PTPRR: variants seen among roughly 807,000 people sequenced by gnomAD.
The protein encoded by PTPRR is receptor-type tyrosine-protein phosphatase R.
A neutral mutation model predicts 77.2 loss-of-function variants in PTPRR; 38 were observed. The ratio of observed to expected loss-of-function variants is 0.49; its 90% confidence interval spans 0.38 to 0.65. PTPRR has a LOEUF of 0.65. Ranked by LOEUF, PTPRR falls within the 30% of genes least tolerant of loss-of-function variation. The pLI is 0.00. For synonymous variants in PTPRR, 299 were observed against 283.1 expected (o/e 1.06, Z -0.57); for missense variants, 744 against 799.2 (o/e 0.93, Z 0.83).
intron 6 of PTPRR, among the ~76,000 whole-genome samples, chr12:70,726,790 C>A (rs1323728152): frequency 6.6e-6 from 1 of 152,026 alleles, no homozygotes; most frequent in Non-Finnish European, 1.5e-5. Flanking sequence ...CATGTCTCTG[C>A]TAAAAGGTCT....
chr12:70,782,470 A>C, intron 2 of PTPRR, among the ~76,000 whole-genome samples: 1 of 152,214 alleles, frequency 6.6e-6, no homozygotes, highest in East Asian at 1.9e-4. Flanking sequence ...CTGGATTAAG[A>C]AAATGTGGCA....
chr12:70,831,976 C>T (rs911830076), intron 2 of PTPRR, among the ~76,000 whole-genome samples: 24 of 152,170 alleles, frequency 1.6e-4, no homozygotes, highest in East Asian at 7.7e-4. Flanking sequence ...GAAACAAAAT[C>T]GCTTTCCCCA....
At chr12:70,733,478 A>AAAAAAAAAAAAAAAAAAAAAAAAAAAAT (rs1889753304) in intron 6 of PTPRR, among the ~76,000 whole-genome samples, 2 of 88,572 alleles carry the variant, frequency 2.3e-5, no homozygotes, top group Non-Finnish European at 4.3e-5. Context: ...GGCAAAAAAA[A>AAAAAAAAAAAAAAAAAAAAAAAAAAAAT]AAAGAAAAAA....
intron 3 of PTPRR, among the ~76,000 whole-genome samples, chr12:70,763,253 T>C (rs1019871426): frequency 1.3e-5 from 2 of 151,976 alleles, no homozygotes; most frequent in African/African-American, 4.8e-5. Context: ...CTCAGCCTCC[T>C]GAGTAGCTGG....
chr12:70,885,520 T>A (rs1893223883), intron 2 of PTPRR, among the ~76,000 whole-genome samples: 1 of 151,774 alleles, frequency 6.6e-6, no homozygotes, highest in Non-Finnish European at 1.5e-5. Flanking sequence ...ACCTTAGTTA[T>A]TTAACAGTTA....
At chr12:70,668,707 T>C (rs977002886) in intron 10 of PTPRR, among the ~76,000 whole-genome samples, 5 of 152,200 alleles carry the variant, frequency 3.3e-5, no homozygotes, top group Admixed American at 6.5e-5. Context: ...GAGTAGCCAA[T>C]CTTTCTATCT....
At chr12:70,767,483 C>T (rs1890856173) in intron 2 of PTPRR, among the ~76,000 whole-genome samples, 1 of 151,844 alleles carries the variant, frequency 6.6e-6, no homozygotes, top group Non-Finnish European at 1.5e-5. Context: ...AATATATATG[C>T]ACCCAATACA....
In PTPRR at chr12:70,902,369, G is replaced by A. The variant is rs149860858; in HGVS notation, c.59-9392C>T. On this transcript the variant is annotated intron_variant, in intron 1 of 13. Transcript: ENST00000283228. ...ATGAAAAAGATACTTGCAAACACAC[G>A]TTTATAGCAGCACAATTCGCAATTG... Among the ~76,000 whole-genome samples, 14 of 151,910 alleles carry A rather than the reference G, an allele frequency of 9.2e-5. No individual in the cohort carries two copies. The East Asian group carries it at 2.5e-3, about 27-fold the overall frequency.
At chr12:70,865,476 A>G (rs1022266814) in intron 2 of PTPRR, among the ~76,000 whole-genome samples, 3 of 152,166 alleles carry the variant, frequency 2.0e-5, no homozygotes, top group African/African-American at 7.2e-5. Flanking sequence ...CGGAAGGGAT[A>G]CTAAAATGAT....
At chr12:70,885,462 T>C (rs1398645192) in intron 2 of PTPRR, among the ~76,000 whole-genome samples, 1 of 151,496 alleles carries the variant, frequency 6.6e-6, no homozygotes, top group Non-Finnish European at 1.5e-5. Context: ...TTGTAAAAAA[T>C]ACATGCATAC....
chr12:70,890,969 C>T (rs1893325421), intron 2 of PTPRR, among the ~76,000 whole-genome samples: 1 of 152,052 alleles, frequency 6.6e-6, no homozygotes, highest in South Asian at 2.1e-4. Context: ...ACCCTGCCTC[C>T]CCAGTTTTGC....
intron 6 of PTPRR, among the ~76,000 whole-genome samples, chr12:70,740,141 A>G (rs1402785454): frequency 6.6e-6 from 1 of 152,184 alleles, no homozygotes; most frequent in Non-Finnish European, 1.5e-5. Context: ...ATGCAGACAG[A>G]TAAGATGAAA....
chr12:70,855,772 T>A (rs1191709300), intron 2 of PTPRR, among the ~76,000 whole-genome samples: 3 of 152,228 alleles, frequency 2.0e-5, no homozygotes, highest in African/African-American at 7.2e-5. Context: ...TTATTCGTTT[T>A]TAAGGCTTTT....
chr12:70,675,282 T>C (rs1200028174), intron 10 of PTPRR, among the ~76,000 whole-genome samples: 1 of 152,070 alleles, frequency 6.6e-6, no homozygotes, highest in Non-Finnish European at 1.5e-5. Context: ...GCAAGTTATT[T>C]GTTTATATTT....
intron 6 of PTPRR, among the ~76,000 whole-genome samples, chr12:70,707,576 A>G (rs1162052459): frequency 6.6e-6 from 1 of 152,104 alleles, no homozygotes; most frequent in African/African-American, 2.4e-5. Context: ...TTTCACCATT[A>G]TAAACAAAAC....
chr12:70,746,041 C>T lies in PTPRR; in HGVS notation c.784G>A (p.Asp262Asn). ...KERFQLSLRQ[D>N]KEKNQEIHLS... ...TGGATCTCCTGGTTTTTCTCTTTGT[C>T]TTGTCTTAAGGAAAGCTGAAATCTT... The change falls in exon 6 of 14, where the codon GAC (aspartate) becomes AAC (asparagine). Residue 262 changes from aspartate (D) to asparagine (N), a missense_variant. Physicochemically the swap from Asp to Asn is conservative, Grantham distance 23 (BLOSUM62 1). This residue lies in a region of PTPRR where 570 missense variants were observed against 573.2 expected (regional missense o/e 0.99). Transcript: ENST00000283228. The T allele has an allele frequency of 6.2e-7, 1 of 1,613,408 alleles. No individual in the cohort carries two copies. The highest frequency in any genetic ancestry group is 1.1e-5 in the South Asian group (1 of 91,054).
At chr12:70,772,210 G>C (rs1275357204) in intron 2 of PTPRR, among the ~76,000 whole-genome samples, 1 of 152,010 alleles carries the variant, frequency 6.6e-6, no homozygotes, top group Non-Finnish European at 1.5e-5. Context: ...TCACTAATTT[G>C]AACATAGTAG....
intron 2 of PTPRR, among the ~76,000 whole-genome samples, chr12:70,781,718 G>C (rs191623325): frequency 6.6e-6 from 1 of 152,132 alleles, no homozygotes; most frequent in South Asian, 2.1e-4. Context: ...GGCAGAACAC[G>C]AAGACCAATT....
At chr12:70,713,583 A>G (rs981974210) in intron 6 of PTPRR, among the ~76,000 whole-genome samples, 11 of 104,504 alleles carry the variant, frequency 1.1e-4, no homozygotes, top group Non-Finnish European at 2.3e-4. Flanking sequence ...TTTTTTAATA[A>G]TAGCCATCCT....
Sources: allele counts gnomAD v4.1 joint callset (sites outside exome capture counted in the v4.1 genomes callset), GRCh38; gene constraint gnomAD v4.1.1; regional missense constraint gnomAD v4.1.1; transcripts MANE v1.5; gene names NCBI Gene and HGNC (gene_info 2026-07-23, HGNC 2026-07-21).